ISG15: variants seen among roughly 807,000 people sequenced by gnomAD.
ISG15 encodes ISG15 ubiquitin like modifier, also known as ubiquitin-like protein ISG15.
A neutral mutation model predicts 2.4 loss-of-function variants in ISG15; 2 were observed. The observed-to-expected ratio is 0.82, with a 90% CI of 0.33 to 2.57. ISG15 has a LOEUF of 2.57. ISG15 is among the 30% of genes most tolerant of loss of function. ISG15 has a pLI of 0.11. For missense variants in ISG15, 224 were observed against 228.4 expected, an observed-to-expected ratio of 0.98 and a Z score of 0.13; for synonymous variants, 116 against 108.1, an observed-to-expected ratio of 1.07 and a Z score of -0.45.
chr1:1,013,892 C>T (rs568580969), intron 1 of ISG15, 92 bp from the exon 2 acceptor site: 3 of 1,483,922 alleles, frequency 2.0e-6, no homozygotes, highest in African/African-American at 1.4e-5. Flanking sequence ...AGCACTGTCC[C>T]TGGGTACAGG....
chr1:1,013,540 T>C lies in ISG15; in HGVS notation c.-34T>C. On this transcript the variant is annotated 5_prime_UTR_variant, in exon 1 of 2. Coordinates refer to ENST00000649529, the MANE Select transcript of ISG15 (RefSeq NM_005101.4). ...AACTCATCTTTGCCAGTACAGGAGC[T>C]TGTGCCGTGGCCCACAGCCCACAGC... 6.2e-7 allele frequency: 1 copy of C among 1,612,700 alleles called. No homozygotes were observed. Among genetic ancestry groups the C allele is most frequent in the Non-Finnish European group, 8.5e-7 (1 of 1,179,258 alleles).
Position 1,014,262 on chromosome 1 carries a change from C to T in ISG15, c.282C>T (p.Ser94=). The T allele has an allele frequency of 1.9e-6, 3 of 1,613,682 alleles. No individual in the cohort carries two copies. Among genetic ancestry groups the T allele is most frequent in the Admixed American group, 3.3e-5 (2 of 60,038 alleles). The stretch of plus-strand genomic sequence containing the variant: ...TGAGGAATAACAAGGGCCGCAGCAG[C>T]ACCTACGAGGTACGGCTGACGCAGA... The part of the protein sequence containing the change: ...ILVRNNKGRS[S]TYEVRLTQTV... The change falls in exon 2 of 2, where the codon AGC becomes AGT. Residue 94 remains serine, a synonymous_variant. Transcript: ENST00000649529.
rs770119703 is a variant in ISG15 at position 1,014,474 on chromosome 1, G to C, written c.494G>C (p.Ser165Thr). ...GGCGGCACAGAGCCTGGCGGGCGGA[G>C]CTAAGGGCCTCCACCAGCATCCGAG... ...RGGGTEPGGRS is the reference protein window; with the variant it reads ...RGGGTEPGGRT Residue 165 changes from serine (S) to threonine (T), a missense_variant, in exon 2 of 2, where the codon AGC becomes ACC. Transcript: ENST00000649529. 28 of 1,600,270 alleles carry C rather than the reference G, an allele frequency of 1.7e-5. No individual in the cohort carries two copies. The highest frequency in any genetic ancestry group is 2.3e-5 in the Non-Finnish European group (27 of 1,171,440).
At position 1,013,585 on chromosome 1, in the gene ISG15, G is replaced by T; in HGVS notation, c.3+9G>T. 1 of 1,613,530 alleles carries T rather than the reference G, an allele frequency of 6.2e-7. No homozygotes were observed. The highest frequency in any genetic ancestry group is 8.5e-7 in the Non-Finnish European group (1 of 1,179,840). ...CACAGCCCACAGCCATGGTAAGGCAGATGTCACAGGTGGGGGGAGGTGGGC... is the reference window on the plus strand; with the variant it reads ...CACAGCCCACAGCCATGGTAAGGCATATGTCACAGGTGGGGGGAGGTGGGC... On this transcript the variant is annotated intron_variant, in intron 1 of 1. Transcript: ENST00000649529.
chr1:1,014,247 C>T lies in ISG15; in HGVS notation c.267C>T (p.Asn89=). 6.2e-7 allele frequency: 1 copy of T among 1,613,624 alleles called. No homozygotes were observed. The highest frequency in any genetic ancestry group is 8.5e-7 in the Non-Finnish European group (1 of 1,179,988). The change falls in exon 2 of 2, where the codon AAC becomes AAT. Residue 89 remains asparagine, a synonymous_variant. Transcript: ENST00000649529. ...DEPLSILVRN[N]KGRSSTYEVR... is the part of the protein sequence containing the mutation. ...CTCTGAGCATCCTGGTGAGGAATAA[C>T]AAGGGCCGCAGCAGCACCTACGAGG...
In ISG15 at chr1:1,014,338, G is replaced by A. The variant is rs149521823; in HGVS notation, c.358G>A (p.Asp120Asn). Residue 120 changes from aspartate (D) to asparagine (N), a missense_variant, in exon 2 of 2, where the codon GAC (aspartate) becomes AAC (asparagine). Physicochemically the swap from Asp to Asn is conservative, Grantham distance 23. Transcript: ENST00000649529. ...QVSGLEGVQD[D>N]LFWLTFEGKP... ...GAGCGGGCTGGAGGGTGTGCAGGAC[G>A]ACCTGTTCTGGCTGACCTTCGAGGG... 7.0e-5 allele frequency: 113 copies of A among 1,613,664 alleles called. No individual in the cohort carries two copies. In the African/African-American group the frequency reaches 1.3e-3, roughly 19 times the overall value.
In ISG15 at chr1:1,014,394, G is replaced by A. The variant is rs1644251713; in HGVS notation, c.414G>A (p.Gly138=). 2 of 1,613,182 alleles carry A rather than the reference G, an allele frequency of 1.2e-6. No individual in the cohort carries two copies. Among genetic ancestry groups the A allele is most frequent in the Admixed American group, 3.3e-5 (2 of 60,016 alleles). The change falls in exon 2 of 2, where the codon GGG becomes GGA. Residue 138 remains glycine (G), a synonymous_variant. Transcript: ENST00000649529. ...CCCTGGAGGACCAGCTCCCGCTGGG[G>A]GAGTACGGCCTCAAGCCCCTGAGCA... is the stretch of plus-strand genomic sequence containing the variant. ...GKPLEDQLPL[G]EYGLKPLSTV... is the part of the protein sequence containing the mutation.
rs765735950 is a variant in ISG15 at position 1,014,123 on chromosome 1, AC to A, written c.146del (p.Pro49ArgfsTer34). 1.2e-6 allele frequency: 2 copies of A among 1,613,146 alleles called. No homozygotes were observed. The highest frequency in any genetic ancestry group is 2.2e-5 in the South Asian group (2 of 91,078). On this transcript the variant is annotated frameshift_variant, in exon 2 of 2. Coordinates refer to ENST00000649529, the MANE Select transcript of ISG15 (RefSeq NM_005101.4). LOFTEE classifies it low-confidence loss of function (END_TRUNC). ...GCCTTCCAGCAGCGTCTGGCTGTCCACCCGAGCGGTGTGGCGCTGCAGGACA... is the reference window on the plus strand; with the variant it reads ...GCCTTCCAGCAGCGTCTGGCTGTCCACCGAGCGGTGTGGCGCTGCAGGACA... Reference protein sequence around the residue: ...VHAFQQRLAVHPSGVALQDRV... With the variant: ...VHAFQQRLAVXPSGVALQDRV...
At chr1:1,013,617 C>A in intron 1 of ISG15, 41 bp downstream of exon 1, 1 of 1,609,158 alleles carries the variant, frequency 6.2e-7, no homozygotes, top group Non-Finnish European at 8.5e-7. Flanking sequence ...GGGCTCTGTG[C>A]CAGCCAATTT....
Position 1,014,205 on chromosome 1 carries a change from G to A in ISG15, c.225G>A (p.Val75=), listed in dbSNP as rs531701644. The change falls in exon 2 of 2, where the codon GTG becomes GTA. Residue 75 remains valine (V), a synonymous_variant. Coordinates refer to ENST00000649529, the MANE Select transcript of ISG15 (RefSeq NM_005101.4). ...CCGGCAGCACGGTCCTGCTGGTGGT[G>A]GACAAATGCGACGAACCTCTGAGCA... ...LGPGSTVLLV[V]DKCDEPLSIL... is the part of the protein sequence containing the mutation. 18 of 1,613,518 alleles carry A rather than the reference G, an allele frequency of 1.1e-5. No individual in the cohort carries two copies. In the African/African-American group the frequency reaches 2.4e-4, roughly 21 times the overall value.
At chr1:1,013,653 TC>T in intron 1 of ISG15, 77 bp downstream of exon 1, 3 of 1,509,720 alleles carry the variant, frequency 2.0e-6, no homozygotes, top group Non-Finnish European at 2.8e-6. Context: ...AGCCAAGGTC[TC>T]CCAGGGGTGC....
chr1:1,013,926 T>C, intron 1 of ISG15, 58 bp from the exon 2 acceptor site: 1 of 1,539,018 alleles, frequency 6.5e-7, no homozygotes, highest in Non-Finnish European at 8.8e-7. Context: ...GCCAGTGCCT[T>C]GTGTGTGGTG....
At position 1,014,223 on chromosome 1, in the gene ISG15, T is replaced by C; in HGVS notation, c.243T>C (p.Pro81=). 6.2e-7 allele frequency: 1 copy of C among 1,613,580 alleles called. No homozygotes were observed. The highest frequency in any genetic ancestry group is 8.5e-7 in the Non-Finnish European group (1 of 1,179,988). Residue 81 remains proline (P), a synonymous_variant, in exon 2 of 2, where the codon CCT becomes CCC. Coordinates refer to ENST00000649529, the MANE Select transcript of ISG15 (RefSeq NM_005101.4). The part of the protein sequence containing the change: ...VLLVVDKCDE[P]LSILVRNNKG... ...TGGTGGTGGACAAATGCGACGAACC[T>C]CTGAGCATCCTGGTGAGGAATAACA...
Position 1,014,014 on chromosome 1 carries a change from G to A in ISG15, c.34G>A (p.Gly12Ser). The A allele has an allele frequency of 6.2e-7, 1 of 1,603,332 alleles. No individual in the cohort carries two copies. The highest frequency in any genetic ancestry group is 2.2e-5 in the East Asian group (1 of 44,554). The change falls in exon 2 of 2, where the codon GGC becomes AGC. Residue 12 changes from glycine to serine, a missense_variant. By Grantham distance (56) the Gly-to-Ser change is moderately conservative. Coordinates refer to ENST00000649529, the MANE Select transcript of ISG15 (RefSeq NM_005101.4). Reference sequence around the variant, plus strand: ...GGACCTGACGGTGAAGATGCTGGCGGGCAACGAATTCCAGGTGTCCCTGAG... The same window carrying A: ...GGACCTGACGGTGAAGATGCTGGCGAGCAACGAATTCCAGGTGTCCCTGAG... ...GWDLTVKMLA[G>S]NEFQVSLSSS... is the part of the protein sequence containing the mutation.
At chr1:1,013,826 A>G (rs552336577) in intron 1 of ISG15, among the ~76,000 whole-genome samples, 158 bp from the exon 2 acceptor site, 97 of 152,324 alleles carry the variant, frequency 6.4e-4, no homozygotes, top group African/African-American at 2.3e-3. Flanking sequence ...ACGAGCCCTC[A>G]GTGCCTTCTG....
rs377604508 is a variant in ISG15 at position 1,013,534 on chromosome 1, A to C, written c.-40A>C. Reference sequence around the variant, plus strand: ...GCAGCGAACTCATCTTTGCCAGTACAGGAGCTTGTGCCGTGGCCCACAGCC... The same window carrying C: ...GCAGCGAACTCATCTTTGCCAGTACCGGAGCTTGTGCCGTGGCCCACAGCC... On this transcript the variant is annotated 5_prime_UTR_variant, in exon 1 of 2. Coordinates refer to ENST00000649529, the MANE Select transcript of ISG15 (RefSeq NM_005101.4). 1.6e-5 allele frequency: 26 copies of C among 1,611,632 alleles called. No homozygotes were observed. Among genetic ancestry groups the C allele is most frequent in the Middle Eastern group, 1.6e-4 (1 of 6,066 alleles).
At position 1,014,524 on chromosome 1, in the gene ISG15, G is replaced by C; in HGVS notation, c.*46G>C. 6.5e-7 allele frequency: 1 copy of C among 1,548,542 alleles called. No homozygotes were observed. Reference sequence around the variant, plus strand: ...GCAGGATCAAGGGCCGGAAATAAAGGCTGTTGTAAAGAGAAATGGCCGCCT... The same window carrying C: ...GCAGGATCAAGGGCCGGAAATAAAGCCTGTTGTAAAGAGAAATGGCCGCCT... On this transcript the variant is annotated 3_prime_UTR_variant, in exon 2 of 2. Coordinates refer to ENST00000649529, the MANE Select transcript of ISG15 (RefSeq NM_005101.4).
In ISG15 at chr1:1,014,444, G is replaced by A. The variant is rs750338976; in HGVS notation, c.464G>A (p.Arg155Gln). The A allele has an allele frequency of 4.3e-6, 7 of 1,609,284 alleles. No homozygotes were observed. The highest frequency in any genetic ancestry group is 1.7e-5 in the Admixed American group (1 of 59,936). Residue 155 changes from arginine (R) to glutamine (Q), a missense_variant, in exon 2 of 2, where the codon CGG becomes CAG. By Grantham distance (43) the Arg-to-Gln change is conservative. Transcript: ENST00000649529. ...ACCGTGTTCATGAATCTGCGCCTGCGGGGAGGCGGCACAGAGCCTGGCGGG... is the reference window on the plus strand; with the variant it reads ...ACCGTGTTCATGAATCTGCGCCTGCAGGGAGGCGGCACAGAGCCTGGCGGG... ...LSTVFMNLRL[R>Q]GGGTEPGGRS is the part of the protein sequence containing the mutation.
chr1:1,013,831 C>T (rs1056100560), intron 1 of ISG15, among the ~76,000 whole-genome samples, 153 bp from the exon 2 acceptor site: 8 of 152,204 alleles, frequency 5.3e-5, no homozygotes, highest in African/African-American at 1.9e-4. Context: ...CCCTCAGTGC[C>T]TTCTGTGCCT....
Sources: allele counts gnomAD v4.1 joint callset (sites outside exome capture counted in the v4.1 genomes callset), GRCh38; gene constraint gnomAD v4.1.1; transcripts MANE v1.5; gene names NCBI Gene and HGNC (gene_info 2026-07-23, HGNC 2026-07-21).